Variants in RALYL observed in about 807,000 individuals in gnomAD.
RALYL encodes the protein RALY RNA binding protein like.
Under a neutral mutation model 35.1 loss-of-function variants are expected in RALYL, and 29 were observed. The observed-to-expected ratio is 0.83, with a 90% CI of 0.61 to 1.13. The LOEUF is 1.13. Among genes scored for constraint, RALYL ranks in the 50% most tolerant of loss-of-function variants. The pLI is 0.00. For synonymous variants in RALYL, 120 were observed against 127.6 expected (o/e 0.94, Z 0.40); for missense variants, 359 against 360.4 (o/e 1.00, Z 0.03).
intron 3 of RALYL, among the ~76,000 whole-genome samples, chr8:84,799,825 A>G (rs112093754): frequency 0.037 from 5,665 of 152,202 alleles, 366 homozygotes; most frequent in African/African-American, 0.13. Context: ...GCGTGGTGGC[A>G]GGCACCTGTA....
rs113889303 is a variant in RALYL at position 84,213,189 on chromosome 8, G to A, written c.-24+28765G>A. Among the ~76,000 whole-genome samples the A allele has an allele frequency of 5.4e-3, 817 of 152,160 alleles. 8 individuals carry two copies. Among genetic ancestry groups the A allele is most frequent in the African/African-American group, 0.019 (773 of 41,522 alleles). On this transcript the variant is annotated intron_variant, in intron 1 of 8. Transcript: ENST00000521268. ...GCGGGTCACCTGAGGTCAGGAGTTC[G>A]AGACCAGCCTGACCAACGTGGTGAA...
intron 1 of RALYL, among the ~76,000 whole-genome samples, chr8:84,206,299 TG>T (rs1818033554): frequency 6.6e-6 from 1 of 152,146 alleles, no homozygotes; most frequent in Non-Finnish European, 1.5e-5. Context: ...CTTGAGTGCA[TG>T]GGTGATCTGG....
intron 2 of RALYL, among the ~76,000 whole-genome samples, chr8:84,703,328 A>C (rs1406625012): frequency 6.6e-6 from 1 of 152,166 alleles, no homozygotes; most frequent in Non-Finnish European, 1.5e-5. Flanking sequence ...GAGGAGCTGG[A>C]AATTGCCTAT....
chr8:84,321,614 C>G (rs1398825878), intron 1 of RALYL, among the ~76,000 whole-genome samples: 1 of 152,032 alleles, frequency 6.6e-6, no homozygotes. Context: ...CCACGACAGC[C>G]CACTCTATCT....
intron 1 of RALYL, among the ~76,000 whole-genome samples, chr8:84,346,832 T>C (rs369357640): frequency 6.6e-4 from 100 of 152,204 alleles, no homozygotes; most frequent in African/African-American, 2.4e-3. Context: ...AGTAAAAATG[T>C]CAAAATACTT....
At chr8:84,425,986 A>G (rs1270295807) in intron 1 of RALYL, among the ~76,000 whole-genome samples, 1 of 152,150 alleles carries the variant, frequency 6.6e-6, no homozygotes, top group Non-Finnish European at 1.5e-5. Flanking sequence ...AATTGAGGAT[A>G]ACCGTTTATC....
Position 84,345,982 on chromosome 8 carries a change from C to T in RALYL, c.-24+161558C>T, listed in dbSNP as rs188714646. On this transcript the variant is annotated intron_variant, in intron 1 of 8. Transcript: ENST00000521268. ...AACCTTCACTCAACCCTCCAATCCT[C>T]GTTGATTTACCTCCTTGGGACAATT... The T allele has an allele frequency of 3.1e-4, 201 of 648,568 alleles. 1 individual carries two copies. The East Asian group carries it at 0.018, about 57-fold the overall frequency. 40.2% of individuals were successfully genotyped at this position (648,568 alleles called of 1,614,324 possible).
At chr8:84,274,708 A>G (rs1835015998) in intron 1 of RALYL, among the ~76,000 whole-genome samples, 1 of 152,150 alleles carries the variant, frequency 6.6e-6, no homozygotes, top group Non-Finnish European at 1.5e-5. Flanking sequence ...ATCTAATTCA[A>G]ATAAGCACAG....
At chr8:84,456,390 T>C (rs2050139581) in intron 1 of RALYL, among the ~76,000 whole-genome samples, 1 of 152,020 alleles carries the variant, frequency 6.6e-6, no homozygotes, top group African/African-American at 2.4e-5. Flanking sequence ...CAATGGTGTA[T>C]GACTTTTCTG....
At chr8:84,743,078 T>C (rs936978773) in intron 2 of RALYL, among the ~76,000 whole-genome samples, 8 of 152,028 alleles carry the variant, frequency 5.3e-5, no homozygotes, top group African/African-American at 1.9e-4. Context: ...CAATATCTAC[T>C]AGTTTTAAAA....
At chr8:84,605,911 C>G (rs1817027029) in intron 2 of RALYL, among the ~76,000 whole-genome samples, 1 of 152,042 alleles carries the variant, frequency 6.6e-6, no homozygotes, top group Non-Finnish European at 1.5e-5. Context: ...CCAGGTTAAA[C>G]CTAGGAGAGC....
intron 1 of RALYL, among the ~76,000 whole-genome samples, chr8:84,247,105 C>T (rs902475815): frequency 1.3e-5 from 2 of 152,042 alleles, no homozygotes; most frequent in East Asian, 1.9e-4. Context: ...ATCCAAATCA[C>T]GATGGTGATT....
chr8:84,824,872 T>G (rs907555344), intron 4 of RALYL, among the ~76,000 whole-genome samples: 10 of 152,128 alleles, frequency 6.6e-5, no homozygotes, highest in African/African-American at 2.4e-4. Context: ...TCAAATTGGA[T>G]TAAATATTTA....
At chr8:84,757,946 A>G (rs1811815528) in intron 2 of RALYL, among the ~76,000 whole-genome samples, 1 of 152,094 alleles carries the variant, frequency 6.6e-6, no homozygotes, top group African/African-American at 2.4e-5. Flanking sequence ...TTATAGGAAA[A>G]AGCAAAATAT....
intron 4 of RALYL, among the ~76,000 whole-genome samples, chr8:84,818,918 T>C (rs1586531558): frequency 1.3e-5 from 2 of 152,168 alleles, no homozygotes; most frequent in South Asian, 4.1e-4. Flanking sequence ...GGTGACAGCA[T>C]GACAAGCTAA....
At chr8:84,451,539 G>T (rs1010904651) in intron 1 of RALYL, among the ~76,000 whole-genome samples, 1 of 151,916 alleles carries the variant, frequency 6.6e-6, no homozygotes, top group Non-Finnish European at 1.5e-5. Context: ...GTTAGGAATT[G>T]ATTTTAAAAT....
At chr8:84,345,278 A>G (rs137913281) in intron 1 of RALYL, among the ~76,000 whole-genome samples, 1 of 152,028 alleles carries the variant, frequency 6.6e-6, no homozygotes, top group Non-Finnish European at 1.5e-5. Context: ...AGCCTCCTCT[A>G]TTACGTTACT....
intron 1 of RALYL, among the ~76,000 whole-genome samples, chr8:84,490,737 T>C (rs1345867337): frequency 2.6e-5 from 4 of 150,980 alleles, no homozygotes; most frequent in African/African-American, 9.7e-5. Flanking sequence ...TATTATACTT[T>C]TAAGTTTTTG....
At chr8:84,699,384 G>T (rs1839794744) in intron 2 of RALYL, among the ~76,000 whole-genome samples, 1 of 152,080 alleles carries the variant, frequency 6.6e-6, no homozygotes, top group Non-Finnish European at 1.5e-5. Context: ...ATAATAAAAT[G>T]CCATACATTG....
Sources: gnomAD v4.1 joint callset for allele counts (sites outside exome capture counted in the v4.1 genomes callset) on GRCh38, gnomAD v4.1.1 for gene constraint, MANE v1.5 for transcripts, NCBI Gene and HGNC (gene_info 2026-07-23, HGNC 2026-07-21) for gene names.